The following NXN variants were observed in gnomAD, a reference collection of about 807,000 sequenced individuals.
NXN encodes the protein nucleoredoxin, also known as nucleoredoxin 1.
A neutral mutation model predicts 48.6 loss-of-function variants in NXN; 16 were observed. That is an observed-to-expected ratio of 0.33 (90% CI 0.22 to 0.50). The LOEUF is 0.50. NXN is among the 20% of genes least tolerant of loss of function. NXN has a pLI of 0.98. For missense variants in NXN, 492 were observed against 605.5 expected (o/e 0.81, Z 1.97); for synonymous variants, 281 against 269.6 (o/e 1.04, Z -0.41).
intron 1 of NXN, among the ~76,000 whole-genome samples, chr17:905,587 A>ATTGCAAACC: frequency 6.6e-6 from 1 of 152,314 alleles, no homozygotes; most frequent in East Asian, 1.9e-4. Flanking sequence ...AAATCATGCT[A>ATTGCAAACC]TTGCAAACCA....
At chr17:971,449 G>A (rs553465231) in intron 1 of NXN, among the ~76,000 whole-genome samples, 5 of 152,052 alleles carry the variant, frequency 3.3e-5, no homozygotes, top group South Asian at 4.2e-4. Context: ...GGTGGCTCAC[G>A]CCTGTCATCC....
rs1385971112 is a variant in NXN at position 841,648 on chromosome 17, C to T, written c.361-15570G>A. 1.5e-3 allele frequency among the ~76,000 whole-genome samples: 207 copies of T among 136,270 alleles called. 2 individuals are homozygous for T. The highest frequency in any genetic ancestry group is 3.1e-3 in the African/African-American group (106 of 34,642). The allele number at this position is 136,270 out of a possible 152,430, so 89.4% of individuals were successfully genotyped here. On this transcript the variant is annotated intron_variant, in intron 1 of 7. Transcript: ENST00000336868. ...CGGGCAAGCAGGTCCACCCTGACCA[C>T]AGCGCATCTCACGCCGGCGAGCAGG... is the stretch of plus-strand genomic sequence containing the variant.
At chr17:859,535 T>A (rs928632979) in intron 1 of NXN, among the ~76,000 whole-genome samples, 3 of 151,930 alleles carry the variant, frequency 2.0e-5, no homozygotes, top group Admixed American at 1.3e-4. Flanking sequence ...AGGGAGGGGA[T>A]TAGGACCAGA....
At chr17:895,583 T>A (rs12948191) in intron 1 of NXN, among the ~76,000 whole-genome samples, 1 of 149,614 alleles carries the variant, frequency 6.7e-6, no homozygotes, top group Non-Finnish European at 1.5e-5. Flanking sequence ...GAGGTCGAGG[T>A]GGGCGGATCA....
At position 979,775 on chromosome 17, in the gene NXN, G is replaced by GC; in HGVS notation, c.-98dup. The stretch of plus-strand genomic sequence containing the variant: ...GCGTCGGCGGCAGGCGCTGGGGAGA[G>GC]CAGAGCCCGGCCCAGTAGGGCCGCC... On this transcript the variant is annotated 5_prime_UTR_variant, in exon 1 of 8. Coordinates refer to ENST00000336868, the MANE Select transcript of NXN (RefSeq NM_022463.5). 1 of 1,038,876 alleles carries GC rather than the reference G, an allele frequency of 9.6e-7. No individual in the cohort carries two copies. The highest frequency in any genetic ancestry group is 1.2e-6 in the Non-Finnish European group (1 of 816,068). The allele number at this position is 1,038,876 out of a possible 1,614,324, so 64.4% of individuals were successfully genotyped here.
chr17:959,834 T>C (rs1015569515), intron 1 of NXN, among the ~76,000 whole-genome samples: 1 of 148,762 alleles, frequency 6.7e-6, no homozygotes, highest in African/African-American at 2.5e-5. Context: ...GGCTCATGCC[T>C]GTAATCCCAG....
intron 7 of NXN, among the ~76,000 whole-genome samples, chr17:801,844 G>C (rs770629888): frequency 1.1e-4 from 16 of 152,194 alleles, no homozygotes; most frequent in Non-Finnish European, 1.6e-4. Flanking sequence ...TTCAACTCTG[G>C]AATGTTTTTA....
chr17:979,260 C>A (rs1411622296), intron 1 of NXN, 59 bp downstream of exon 1: 14 of 833,174 alleles, frequency 1.7e-5, no homozygotes, highest in Non-Finnish European at 1.8e-5. Flanking sequence ...GCGTGGGGGG[C>A]GGGCAGGGGT....
intron 1 of NXN, among the ~76,000 whole-genome samples, chr17:953,673 G>A (rs1031413802): frequency 6.6e-6 from 1 of 152,188 alleles, no homozygotes; most frequent in Non-Finnish European, 1.5e-5. Flanking sequence ...AAGGAGTCCA[G>A]AGTGAGACAG....
intron 1 of NXN, among the ~76,000 whole-genome samples, chr17:971,658 C>T (rs536293739): frequency 2.6e-5 from 4 of 151,562 alleles, no homozygotes; most frequent in African/African-American, 7.3e-5. Flanking sequence ...GGCAGTCAGC[C>T]GAGATCGCGC....
At chr17:888,871 C>T (rs2068377218) in intron 1 of NXN, among the ~76,000 whole-genome samples, 2 of 150,588 alleles carry the variant, frequency 1.3e-5, no homozygotes, top group African/African-American at 4.9e-5. Flanking sequence ...AGGAGAATCA[C>T]TTGAACCCAG....
intron 6 of NXN, among the ~76,000 whole-genome samples, chr17:804,792 C>T (rs887340212): frequency 2.6e-5 from 4 of 152,330 alleles, no homozygotes; most frequent in African/African-American, 4.8e-5. Flanking sequence ...AATGGGTCTG[C>T]GCATGGGGGC....
At chr17:924,986 A>C (rs1979988) in intron 1 of NXN, among the ~76,000 whole-genome samples, 116,867 of 152,162 alleles carry the variant, frequency 0.77, 46,395 homozygotes, top group East Asian at 0.92. Flanking sequence ...GGGAAGGAAA[A>C]GTAACTATTT....
intron 1 of NXN, among the ~76,000 whole-genome samples, chr17:853,252 TG>T (rs2067944498): frequency 6.6e-6 from 1 of 152,120 alleles, no homozygotes; most frequent in Non-Finnish European, 1.5e-5. Context: ...GAGACCAGCC[TG>T]GCCAGCACGG....
At chr17:834,453 TGCCCAGGCTGGAGTGCAATGGTGC>T (rs1393295975) in intron 1 of NXN, among the ~76,000 whole-genome samples, 2 of 151,806 alleles carry the variant, frequency 1.3e-5, no homozygotes, top group African/African-American at 4.8e-5. Flanking sequence ...CTTGCTCTGT[TGCCCAGGCTGGAGTGCAATGGTGC>T]GATCTCAGCT....
chr17:964,312 C>G (rs779996486), intron 1 of NXN, among the ~76,000 whole-genome samples: 8 of 152,098 alleles, frequency 5.3e-5, no homozygotes, highest in Non-Finnish European at 1.2e-4. Context: ...ACTGTTGGCT[C>G]AGGGGCAGAA....
intron 5 of NXN, among the ~76,000 whole-genome samples, chr17:816,607 C>G (rs568166706): frequency 1.3e-5 from 2 of 152,250 alleles, no homozygotes; most frequent in East Asian, 3.9e-4. Context: ...TCAAAGCACT[C>G]ACAGTTCAAC....
chr17:843,337 G>A (rs970665708), intron 1 of NXN, among the ~76,000 whole-genome samples: 11 of 152,194 alleles, frequency 7.2e-5, no homozygotes, highest in East Asian at 1.9e-4. Context: ...ATGGCTCCGC[G>A]AGCCAGGAGA....
chr17:971,579 G>A (rs777260949), intron 1 of NXN, among the ~76,000 whole-genome samples: 3 of 151,698 alleles, frequency 2.0e-5, no homozygotes, highest in South Asian at 2.1e-4. Flanking sequence ...GCGTGAGGGC[G>A]GGCACCTGTG....
Sources: allele counts gnomAD v4.1 joint callset (sites outside exome capture counted in the v4.1 genomes callset), GRCh38; gene constraint gnomAD v4.1.1; transcripts MANE v1.5; gene names NCBI Gene and HGNC (gene_info 2026-07-23, HGNC 2026-07-21).